The following KCNB2 variants were observed in gnomAD, a reference collection of about 807,000 sequenced individuals.
KCNB2 encodes the protein potassium voltage-gated channel subfamily B member 2.
KCNB2 carries 15 observed loss-of-function variants against 61.5 expected under a neutral mutation model. The observed-to-expected ratio is 0.24, with a 90% CI of 0.16 to 0.38. The LOEUF (loss-of-function observed/expected upper bound fraction) is 0.38, where lower values mean the gene tolerates loss of function less well. Ranked by LOEUF, KCNB2 falls within the 10% of genes least tolerant of loss-of-function variation. The pLI, the probability that KCNB2 is intolerant of heterozygous loss-of-function variation, is 1.00. For synonymous variants in KCNB2, 457 were observed against 446.0 expected, an observed-to-expected ratio of 1.02 and a Z score of -0.31; for missense variants, 828 against 1,125.2, an observed-to-expected ratio of 0.74 and a Z score of 3.78.
chr8:72,853,137 C>T (rs1214354856), intron 2 of KCNB2, among the ~76,000 whole-genome samples: 1 of 152,212 alleles, frequency 6.6e-6, no homozygotes, highest in Admixed American at 6.5e-5. Flanking sequence ...ATTGTTAGCT[C>T]CTCCTCCCAA....
rs1170913232 is a variant in KCNB2, at chr8:72,566,630, C to G, written c.-93-1012C>G. 4.0e-5 allele frequency among the ~76,000 whole-genome samples: 6 copies of G among 151,468 alleles called. No individual in the cohort carries two copies. The East Asian group carries it at 1.2e-3, about 29-fold the overall frequency. On this transcript the variant is annotated intron_variant, in intron 1 of 2. Transcript: ENST00000523207. ...GCTGAGGTGAGAGGATCACTTGAGCCCAGGAGGCAGAAGTTGCAGTGAGCT... is the reference window on the plus strand; with the variant it reads ...GCTGAGGTGAGAGGATCACTTGAGCGCAGGAGGCAGAAGTTGCAGTGAGCT...
intron 2 of KCNB2, among the ~76,000 whole-genome samples, chr8:72,648,763 T>G (rs1585806058): frequency 6.6e-6 from 1 of 152,192 alleles, no homozygotes; most frequent in East Asian, 1.9e-4. Flanking sequence ...ATAATGCATA[T>G]CAGAAAAAAA....
chr8:72,586,150 C>G (rs1482212408), intron 2 of KCNB2, among the ~76,000 whole-genome samples: 2 of 152,290 alleles, frequency 1.3e-5, no homozygotes. Context: ...CATTCCCTAC[C>G]TCTTACTGCA....
At chr8:72,826,923 T>C (rs188844624) in intron 2 of KCNB2, among the ~76,000 whole-genome samples, 12 of 152,346 alleles carry the variant, frequency 7.9e-5, no homozygotes, top group Non-Finnish European at 1.5e-4. Context: ...CATCTTTGTA[T>C]TGCTTTTGCT....
chr8:72,605,342 C>T (rs1474322145), intron 2 of KCNB2, among the ~76,000 whole-genome samples: 2 of 152,138 alleles, frequency 1.3e-5, no homozygotes, highest in Non-Finnish European at 2.9e-5. Flanking sequence ...CACTAGACAT[C>T]ATTAGGGGTT....
chr8:72,837,780 A>C (rs10092249), intron 2 of KCNB2, among the ~76,000 whole-genome samples: 22,925 of 152,106 alleles, frequency 0.15, 2,363 homozygotes, highest in African/African-American at 0.29. Flanking sequence ...ACTTTTAAAA[A>C]TGAAATTTTT....
rs1806481720 is a variant in KCNB2, at chr8:72,920,143, A to G, written c.580-15792A>G. On this transcript the variant is annotated intron_variant, in intron 2 of 2. Coordinates refer to ENST00000523207, the MANE Select transcript of KCNB2 (RefSeq NM_004770.3). ...TATATAACTTAAGTCATGTAAGATC[A>G]CTAGATCTCAAGTCATGTAAGCTCA... Among the ~76,000 whole-genome samples, 5 of 152,184 alleles carry G rather than the reference A, an allele frequency of 3.3e-5. No individual in the cohort carries two copies. In the South Asian group the frequency reaches 1.0e-3, roughly 32 times the overall value.
intron 2 of KCNB2, among the ~76,000 whole-genome samples, chr8:72,625,891 T>G (rs1250668558): frequency 1.3e-5 from 2 of 152,074 alleles, no homozygotes; most frequent in African/African-American, 4.8e-5. Flanking sequence ...GAATCAGAAC[T>G]TTGCAGTCCC....
Position 72,848,114 on chromosome 8 carries a change from C to T in KCNB2, c.580-87821C>T, listed in dbSNP as rs115593556. Among the ~76,000 whole-genome samples, 261 of 152,296 alleles carry T rather than the reference C, an allele frequency of 1.7e-3. 1 individual carries two copies. Among genetic ancestry groups the T allele is most frequent in the African/African-American group, 5.9e-3 (247 of 41,578 alleles). On this transcript the variant is annotated intron_variant, in intron 2 of 2. Transcript: ENST00000523207. Reference sequence around the variant, plus strand: ...CCTAAATATTAATGCTGCTAGGAGGCTGTTATTTACACCAGTGAGGCCCAA... The same window carrying T: ...CCTAAATATTAATGCTGCTAGGAGGTTGTTATTTACACCAGTGAGGCCCAA...
chr8:72,890,512 C>T (rs949647026), intron 2 of KCNB2, among the ~76,000 whole-genome samples: 5 of 152,218 alleles, frequency 3.3e-5, no homozygotes, highest in Non-Finnish European at 5.9e-5. Flanking sequence ...ACCTGTGAGG[C>T]TCAGGTCCCT....
chr8:72,584,491 A>T (rs1046739803), intron 2 of KCNB2, among the ~76,000 whole-genome samples: 4 of 152,190 alleles, frequency 2.6e-5, no homozygotes, highest in African/African-American at 9.7e-5. Context: ...AACTATTAAA[A>T]AAAAACTCTT....
intron 2 of KCNB2, among the ~76,000 whole-genome samples, chr8:72,929,135 C>T (rs1806719129): frequency 6.6e-6 from 1 of 152,180 alleles, no homozygotes; most frequent in South Asian, 2.1e-4. Context: ...AGAACTGAAG[C>T]TCACAGAGGG....
intron 2 of KCNB2, among the ~76,000 whole-genome samples, chr8:72,575,731 C>G (rs758173074): frequency 3.2e-4 from 48 of 152,064 alleles, no homozygotes; most frequent in Non-Finnish European, 5.6e-4. Flanking sequence ...ACTAATTATT[C>G]AAGTAAAATT....
At chr8:72,601,120 A>T (rs778944172) in intron 2 of KCNB2, among the ~76,000 whole-genome samples, 16 of 152,102 alleles carry the variant, frequency 1.1e-4, no homozygotes, top group African/African-American at 2.2e-4. Context: ...ATTATTTTTT[A>T]TATGTTTTAG....
chr8:72,625,100 G>A (rs1805769793), intron 2 of KCNB2, among the ~76,000 whole-genome samples: 1 of 152,190 alleles, frequency 6.6e-6, no homozygotes, highest in Non-Finnish European at 1.5e-5. Flanking sequence ...GACACTAGCG[G>A]GAGACCCAGT....
At chr8:72,699,904 T>C (rs1337101155) in intron 2 of KCNB2, among the ~76,000 whole-genome samples, 1 of 152,160 alleles carries the variant, frequency 6.6e-6, no homozygotes, top group Non-Finnish European at 1.5e-5. Context: ...TGTATGTTTA[T>C]TGCAGCACTA....
intron 2 of KCNB2, among the ~76,000 whole-genome samples, chr8:72,577,616 A>C (rs1378072574): frequency 1.3e-5 from 2 of 152,180 alleles, no homozygotes; most frequent in Non-Finnish European, 2.9e-5. Context: ...AGGATGCTAG[A>C]GGTCATTGCC....
Position 72,920,471 on chromosome 8 carries a change from A to ATATATATATATATATATGTGTG in KCNB2, c.580-15463_580-15462insATATATATATATATATGTGTGT, listed in dbSNP as rs1323200698. Among the ~76,000 whole-genome samples the ATATATATATATATATATGTGTG allele has an allele frequency of 7.1e-5, 3 of 42,286 alleles. 1 individual carries two copies. Among genetic ancestry groups the ATATATATATATATATATGTGTG allele is most frequent in the South Asian group, 8.3e-4 (1 of 1,198 alleles). 27.7% of individuals were successfully genotyped at this position (42,286 alleles called of 152,430 possible). On this transcript the variant is annotated intron_variant, in intron 2 of 2. Transcript: ENST00000523207. ...TATCTATCTATCTATCTATCTATCT[A>ATATATATATATATATATGTGTG]TCTATATATATATATATTAGCTGGC...
intron 2 of KCNB2, among the ~76,000 whole-genome samples, chr8:72,665,921 C>T (rs1806463492): frequency 6.6e-6 from 1 of 152,238 alleles, no homozygotes; most frequent in Non-Finnish European, 1.5e-5. Context: ...AACTGGTTAT[C>T]ACAGCAAATG....
Sources: gnomAD v4.1 joint callset for allele counts (sites outside exome capture counted in the v4.1 genomes callset) on GRCh38, gnomAD v4.1.1 for gene constraint, MANE v1.5 for transcripts, NCBI Gene and HGNC (gene_info 2026-07-23, HGNC 2026-07-21) for gene names.